GPR39: variants seen among roughly 807,000 people sequenced by gnomAD.
The protein encoded by GPR39 is G protein-coupled receptor 39, also known as zinc sensing receptor.
A neutral mutation model predicts 18.4 loss-of-function variants in GPR39; 23 were observed. That is an observed-to-expected ratio of 1.25 (90% confidence interval 0.90 to 1.77). The LOEUF is 1.77. Among genes scored for constraint, GPR39 ranks in the 40% most tolerant of loss-of-function variants. GPR39 has a pLI of 0.00. For synonymous variants in GPR39, 280 were observed against 257.9 expected, an observed-to-expected ratio of 1.09 and a Z score of -0.82; for missense variants, 647 against 602.4, an observed-to-expected ratio of 1.07 and a Z score of -0.78.
chr2:132,532,305 A>C (rs912345472), intron 1 of GPR39, among the ~76,000 whole-genome samples: 20 of 152,234 alleles, frequency 1.3e-4, no homozygotes, highest in African/African-American at 4.8e-4. Context: ...AAGAAGTTGA[A>C]TCTCTGGATA....
intron 1 of GPR39, among the ~76,000 whole-genome samples, chr2:132,445,519 A>T (rs549509023): frequency 6.6e-6 from 1 of 152,350 alleles, no homozygotes; most frequent in East Asian, 1.9e-4. Context: ...TTAAAATGTA[A>T]TAGACTTAAC....
chr2:132,603,567 G>A (rs1681083043), intron 1 of GPR39, among the ~76,000 whole-genome samples: 1 of 152,140 alleles, frequency 6.6e-6, no homozygotes, highest in African/African-American at 2.4e-5. Flanking sequence ...GAGGTGATAA[G>A]CATGCTAATT....
chr2:132,501,050 TTGTG>T, intron 1 of GPR39, among the ~76,000 whole-genome samples: 1 of 103,090 alleles, frequency 9.7e-6, no homozygotes, highest in African/African-American at 3.4e-5. Flanking sequence ...CATTTATCTT[TTGTG>T]TTTTTTTTTT....
At chr2:132,606,466 A>C (rs2104845975) in intron 1 of GPR39, among the ~76,000 whole-genome samples, 1 of 152,304 alleles carries the variant, frequency 6.6e-6, no homozygotes, top group East Asian at 1.9e-4. Flanking sequence ...CACTGCCCAA[A>C]CCCCAAGGGG....
chr2:132,603,714 G>A (rs559368061), intron 1 of GPR39, among the ~76,000 whole-genome samples: 33 of 152,276 alleles, frequency 2.2e-4, no homozygotes, highest in East Asian at 1.9e-3. Flanking sequence ...GTGGGCGTGC[G>A]TGTGCGAAAT....
chr2:132,583,749 A>G (rs1442158121), intron 1 of GPR39, among the ~76,000 whole-genome samples: 4 of 151,274 alleles, frequency 2.6e-5, no homozygotes, highest in Non-Finnish European at 5.9e-5. Context: ...TCTGAGGGCT[A>G]GAATCACTGG....
intron 1 of GPR39, among the ~76,000 whole-genome samples, chr2:132,550,326 A>G (rs1680020220): frequency 6.6e-6 from 1 of 152,218 alleles, no homozygotes; most frequent in Non-Finnish European, 1.5e-5. Flanking sequence ...CCCAGGGCTC[A>G]GCAGTTCTGG....
At chr2:132,441,610 C>T (rs1468418692) in intron 1 of GPR39, among the ~76,000 whole-genome samples, 1 of 152,192 alleles carries the variant, frequency 6.6e-6, no homozygotes, top group Non-Finnish European at 1.5e-5. Context: ...GTGATTAATA[C>T]ACTTGACTTC....
chr2:132,534,561 T>C (rs1046890296), intron 1 of GPR39, among the ~76,000 whole-genome samples: 2 of 150,280 alleles, frequency 1.3e-5, no homozygotes, highest in Non-Finnish European at 3.0e-5. Flanking sequence ...GTGGCACTAT[T>C]CACAATAGCA....
At chr2:132,549,033 C>G (rs954967924) in intron 1 of GPR39, among the ~76,000 whole-genome samples, 6 of 152,164 alleles carry the variant, frequency 3.9e-5, no homozygotes, top group African/African-American at 1.4e-4. Flanking sequence ...TTAAATGCTC[C>G]CTTCTTCATA....
intron 1 of GPR39, among the ~76,000 whole-genome samples, chr2:132,514,597 G>A (rs953000076): frequency 3.3e-5 from 5 of 152,186 alleles, no homozygotes; most frequent in Admixed American, 2.6e-4. Flanking sequence ...CAGTAGTCAG[G>A]CTTTGCAGGC....
chr2:132,603,293 C>T (rs1296542142), intron 1 of GPR39, among the ~76,000 whole-genome samples: 1 of 152,132 alleles, frequency 6.6e-6, no homozygotes, highest in Non-Finnish European at 1.5e-5. Flanking sequence ...CCAAGTACCA[C>T]ATGTTCTCAC....
intron 1 of GPR39, among the ~76,000 whole-genome samples, chr2:132,522,342 C>T (rs748198546): frequency 3.3e-5 from 5 of 152,148 alleles, no homozygotes; most frequent in Non-Finnish European, 7.3e-5. Flanking sequence ...TCCATCTCTG[C>T]CTCCCTACAG....
intron 1 of GPR39, among the ~76,000 whole-genome samples, chr2:132,462,732 G>A (rs778958924): frequency 5.3e-5 from 8 of 152,104 alleles, no homozygotes; most frequent in African/African-American, 9.7e-5. Context: ...TAGCCTGATG[G>A]CATTAGACAA....
chr2:132,457,474 A>G (rs746784412), intron 1 of GPR39, among the ~76,000 whole-genome samples: 7 of 152,216 alleles, frequency 4.6e-5, no homozygotes, highest in Non-Finnish European at 8.8e-5. Flanking sequence ...TCTGAAGCCT[A>G]CTTCTGTTAA....
intron 1 of GPR39, among the ~76,000 whole-genome samples, chr2:132,467,347 A>C (rs1305826221): frequency 6.6e-6 from 1 of 152,168 alleles, no homozygotes; most frequent in African/African-American, 2.4e-5. Context: ...CTTATAAGTG[A>C]GAACTAAACT....
intron 1 of GPR39, among the ~76,000 whole-genome samples, chr2:132,424,722 A>G (rs1680079648): frequency 6.6e-6 from 1 of 152,192 alleles, no homozygotes; most frequent in Non-Finnish European, 1.5e-5. Flanking sequence ...TGCTGCCCCT[A>G]GAGTGACAGC....
At chr2:132,624,795 C>T (rs1456354939) in intron 1 of GPR39, among the ~76,000 whole-genome samples, 5 of 152,304 alleles carry the variant, frequency 3.3e-5, no homozygotes, top group East Asian at 1.9e-4. Flanking sequence ...TATAGTATGT[C>T]GTTGCGTGAA....
rs1358724756 is a variant in GPR39, at chr2:132,588,810, A to G, written c.857-56291A>G. On this transcript the variant is annotated intron_variant, in intron 1 of 1. Transcript: ENST00000329321. Reference sequence around the variant, plus strand: ...CCAAGTCCACTGTGATGAGCAGAGGAGGACTGGACTCCACCCCTTCAATGC... The same window carrying G: ...CCAAGTCCACTGTGATGAGCAGAGGGGGACTGGACTCCACCCCTTCAATGC... 1.3e-5 allele frequency among the ~76,000 whole-genome samples: 2 copies of G among 152,202 alleles called. 1 individual carries two copies. The highest frequency in any genetic ancestry group is 6.3e-3 in the Middle Eastern group (2 of 316).
Sources: gnomAD v4.1 joint callset for allele counts (sites outside exome capture counted in the v4.1 genomes callset) on GRCh38, gnomAD v4.1.1 for gene constraint, MANE v1.5 for transcripts, NCBI Gene and HGNC (gene_info 2026-07-23, HGNC 2026-07-21) for gene names.